Variants in TMEM163 observed in about 807,000 individuals in gnomAD.
The protein encoded by TMEM163 is transmembrane protein 163.
A neutral mutation model predicts 29.3 loss-of-function variants in TMEM163; 17 were observed. The observed-to-expected ratio is 0.58, with a 90% CI of 0.40 to 0.87. The LOEUF is 0.87. TMEM163 is among the 40% of genes least tolerant of loss of function. TMEM163 has a pLI of 0.00. For missense variants in TMEM163, 303 were observed against 381.5 expected, an observed-to-expected ratio of 0.79 and a Z score of 1.71; for synonymous variants, 157 against 160.6, an observed-to-expected ratio of 0.98 and a Z score of 0.17.
intron 2 of TMEM163, among the ~76,000 whole-genome samples, chr2:134,677,572 C>A (rs1444217331): frequency 6.6e-6 from 1 of 152,064 alleles, no homozygotes; most frequent in Admixed American, 6.5e-5. Flanking sequence ...TCTGAAAAGT[C>A]TTTTTGTAAT....
intron 2 of TMEM163, among the ~76,000 whole-genome samples, chr2:134,566,877 A>C (rs1681311065): frequency 6.6e-6 from 1 of 152,234 alleles, no homozygotes; most frequent in African/African-American, 2.4e-5. Flanking sequence ...GATATCATTA[A>C]GCTCTTGAAA....
chr2:134,564,267 C>A (rs999288763), intron 2 of TMEM163, among the ~76,000 whole-genome samples: 1 of 152,094 alleles, frequency 6.6e-6, no homozygotes, highest in Non-Finnish European at 1.5e-5. Context: ...TCAAAAGTAC[C>A]CCTAAAATAC....
chr2:134,487,810 G>C (rs1468058217), intron 5 of TMEM163, among the ~76,000 whole-genome samples: 2 of 152,038 alleles, frequency 1.3e-5, no homozygotes, highest in Non-Finnish European at 2.9e-5. Flanking sequence ...CTGAGTAAAA[G>C]AAAAACCAAA....
At chr2:134,613,488 G>A (rs1041477958) in intron 2 of TMEM163, among the ~76,000 whole-genome samples, 2 of 152,064 alleles carry the variant, frequency 1.3e-5, no homozygotes, top group African/African-American at 4.8e-5. Context: ...GCCAAAAACA[G>A]TGGGAAATTT....
chr2:134,495,104 A>T (rs983245130), intron 5 of TMEM163, among the ~76,000 whole-genome samples: 6 of 152,224 alleles, frequency 3.9e-5, no homozygotes, highest in Non-Finnish European at 8.8e-5. Context: ...ATGTGTCAAA[A>T]GGGAGGCAAA....
chr2:134,617,640 T>C (rs1019818241), intron 2 of TMEM163, among the ~76,000 whole-genome samples: 5 of 146,464 alleles, frequency 3.4e-5, no homozygotes, highest in Admixed American at 2.0e-4. Flanking sequence ...AATGGTATAC[T>C]AGAAAATATT....
intron 2 of TMEM163, among the ~76,000 whole-genome samples, chr2:134,641,596 A>G (rs886945145): frequency 6.6e-6 from 1 of 152,216 alleles, no homozygotes; most frequent in Non-Finnish European, 1.5e-5. Context: ...AAAAATTTAT[A>G]TACAAAGACA....
At chr2:134,508,081 C>A (rs1280207151) in intron 4 of TMEM163, among the ~76,000 whole-genome samples, 4 of 152,156 alleles carry the variant, frequency 2.6e-5, no homozygotes, top group Non-Finnish European at 5.9e-5. Flanking sequence ...TACTGACAGA[C>A]ACTCATACAC....
At chr2:134,463,759 G>T (rs925252175) in intron 6 of TMEM163, among the ~76,000 whole-genome samples, 3 of 152,188 alleles carry the variant, frequency 2.0e-5, no homozygotes, top group African/African-American at 7.2e-5. Context: ...GGAAAGGGAG[G>T]CTCAGCTTTG....
intron 2 of TMEM163, among the ~76,000 whole-genome samples, chr2:134,693,693 G>A (rs568783193): frequency 3.3e-5 from 5 of 151,452 alleles, no homozygotes; most frequent in African/African-American, 1.2e-4. Flanking sequence ...ACCTGCTTTG[G>A]TAGGAATTAC....
intron 2 of TMEM163, among the ~76,000 whole-genome samples, chr2:134,646,774 C>A (rs1324344223): frequency 6.6e-6 from 1 of 152,242 alleles, no homozygotes; most frequent in East Asian, 1.9e-4. Flanking sequence ...AAATACAAAT[C>A]CTGGGACAAC....
intron 5 of TMEM163, among the ~76,000 whole-genome samples, chr2:134,487,343 C>T (rs1226098339): frequency 1.3e-5 from 2 of 152,094 alleles, no homozygotes; most frequent in Non-Finnish European, 2.9e-5. Context: ...AATACAAACA[C>T]TTAATAGCAA....
chr2:134,714,573 G>A (rs544608666), intron 1 of TMEM163, among the ~76,000 whole-genome samples: 3 of 152,262 alleles, frequency 2.0e-5, no homozygotes, highest in African/African-American at 4.8e-5. Flanking sequence ...ATTGAGCATC[G>A]CTGAACAAGT....
intron 2 of TMEM163, among the ~76,000 whole-genome samples, chr2:134,641,218 C>T (rs184893533): frequency 9.4e-4 from 143 of 152,192 alleles, no homozygotes; most frequent in African/African-American, 3.0e-3. Context: ...AACAAAGATG[C>T]CAAGGTATTT....
At chr2:134,516,799 G>GCATATATATGAATATATATA (rs1680080774) in intron 4 of TMEM163, among the ~76,000 whole-genome samples, 1 of 64,258 alleles carries the variant, frequency 1.6e-5, no homozygotes, top group African/African-American at 1.7e-4. Flanking sequence ...ATGCATGTAT[G>GCATATATATGAATATATATA]TATGAAAGGT....
At chr2:134,663,211 A>ATTAT (rs1319458437) in intron 2 of TMEM163, among the ~76,000 whole-genome samples, 1 of 152,252 alleles carries the variant, frequency 6.6e-6, no homozygotes, top group East Asian at 1.9e-4. Context: ...TATAGGAATA[A>ATTAT]GCCTTGTGAT....
intron 2 of TMEM163, among the ~76,000 whole-genome samples, chr2:134,682,662 G>A (rs111553585): frequency 0.014 from 2,087 of 152,224 alleles, 47 homozygotes; most frequent in African/African-American, 0.048. Flanking sequence ...TGAATAGGTG[G>A]AGCGACAGGA....
intron 4 of TMEM163, among the ~76,000 whole-genome samples, chr2:134,538,468 TA>T (rs1300275607): frequency 1.3e-5 from 2 of 151,800 alleles, no homozygotes; most frequent in Non-Finnish European, 2.9e-5. Flanking sequence ...ACCCAAGAAA[TA>T]AAAAGGAGAA....
intron 1 of TMEM163, among the ~76,000 whole-genome samples, chr2:134,718,265 G>C (rs1227681515): frequency 1.3e-5 from 2 of 152,088 alleles, no homozygotes; most frequent in Non-Finnish European, 2.9e-5. Context: ...GGCCGCCGAG[G>C]GACATCTCGC....
Sources: gnomAD v4.1 joint callset for allele counts (sites outside exome capture counted in the v4.1 genomes callset) on GRCh38, gnomAD v4.1.1 for gene constraint, MANE v1.5 for transcripts, NCBI Gene and HGNC (gene_info 2026-07-23, HGNC 2026-07-21) for gene names.